PIP4P1: variants seen among roughly 807,000 people sequenced by gnomAD.
PIP4P1 encodes the protein type 1 phosphatidylinositol 4,5-bisphosphate 4-phosphatase.
Under a neutral mutation model 32.3 loss-of-function variants are expected in PIP4P1, and 14 were observed. That is an observed-to-expected ratio of 0.43 (90% CI 0.29 to 0.68). The LOEUF (loss-of-function observed/expected upper bound fraction) is 0.68, where lower values mean the gene tolerates loss of function less well. Ranked by LOEUF, PIP4P1 falls within the 30% of genes least tolerant of loss-of-function variation. The probability of loss-of-function intolerance (pLI) is 0.15; values close to 1 mark genes in which losing one functional copy is unlikely to be tolerated. For synonymous variants in PIP4P1, 132 were observed against 137.9 expected (o/e 0.96, Z 0.30); for missense variants, 289 against 364.5 (o/e 0.79, Z 1.69).
chr14:20,459,489 A>G lies in PIP4P1; in HGVS notation c.547-49T>C, dbSNP rs557512429. Reference sequence around the variant, plus strand: ...AATAGCACAAGCAGGGTCTCCCTCAATGAGAACCTTGGGGTGGGGATGCAG... The same window carrying G: ...AATAGCACAAGCAGGGTCTCCCTCAGTGAGAACCTTGGGGTGGGGATGCAG... On this transcript the variant is annotated intron_variant, in intron 4 of 6. Coordinates refer to ENST00000250489, the MANE Select transcript of PIP4P1 (RefSeq NM_144568.4). 12 of 1,609,186 alleles carry G rather than the reference A, an allele frequency of 7.5e-6. No individual in the cohort carries two copies. In the South Asian group the frequency reaches 9.9e-5, roughly 13 times the overall value.
In PIP4P1 at chr14:20,459,616, C is replaced by T; in HGVS notation, c.546+12G>A. On this transcript the variant is annotated intron_variant, in intron 4 of 6. Transcript: ENST00000250489. ...CTCCTTTCCCCTCCCCTTCCCAATA[C>T]CCCTTCCTCACCAGAAAAGTATTCT... 1 of 1,610,490 alleles carries T rather than the reference C, an allele frequency of 6.2e-7. No homozygotes were observed. The highest frequency in any genetic ancestry group is 8.5e-7 in the Non-Finnish European group (1 of 1,176,786).
At position 20,461,399 on chromosome 14, in the gene PIP4P1, CA is replaced by C. The variant is rs1228491466; in HGVS notation, c.-75del. 18 of 1,220,746 alleles carry C rather than the reference CA, an allele frequency of 1.5e-5. No homozygotes were observed. The highest frequency in any genetic ancestry group is 1.6e-5 in the Non-Finnish European group (16 of 977,554). 75.6% of individuals were successfully genotyped at this position (1,220,746 alleles called of 1,614,324 possible). On this transcript the variant is annotated 5_prime_UTR_variant, in exon 1 of 7. Coordinates refer to ENST00000250489, the MANE Select transcript of PIP4P1 (RefSeq NM_144568.4). ...CCTCTGCCGTCGCCGCAGCCACCGC[CA>C]CCGCCGCCACCGCCACCGCCGCTAC...
intron 6 of PIP4P1, 74 bp downstream of exon 6, chr14:20,459,132 G>T: frequency 6.7e-7 from 1 of 1,487,128 alleles, no homozygotes; most frequent in Non-Finnish European, 9.2e-7. Flanking sequence ...TTTTTTTTAG[G>T]GTAGCAGTTT....
chr14:20,461,154 C>T, intron 1 of PIP4P1, 30 bp downstream of exon 1: 1 of 1,261,778 alleles, frequency 7.9e-7, no homozygotes, highest in East Asian at 3.1e-5. Flanking sequence ...CGGACCCGCC[C>T]CGGCTTACCC....
chr14:20,458,992 C>CA (rs2139315019), intron 6 of PIP4P1: 9 of 634,690 alleles, frequency 1.4e-5, no homozygotes, highest in Non-Finnish European at 2.4e-5. Context: ...GTCCTATCCT[C>CA]ATCCTACAGA....
chr14:20,460,991 C>G, intron 1 of PIP4P1, 146 bp from the exon 2 acceptor site: 1 of 1,269,048 alleles, frequency 7.9e-7, no homozygotes, highest in Non-Finnish European at 1.0e-6. Flanking sequence ...TTGCTCAGAA[C>G]CCCCTTCCGT....
In PIP4P1 at chr14:20,458,315, G is replaced by C. The variant is rs1439530683; in HGVS notation, c.*244C>G. 1.5e-6 allele frequency: 1 copy of C among 650,392 alleles called. No homozygotes were observed. The highest frequency in any genetic ancestry group is 3.2e-5 in the East Asian group (1 of 31,346). The allele number at this position is 650,392 out of a possible 1,614,324, so 40.3% of individuals were successfully genotyped here. A position where few individuals can be genotyped will look rare whatever the true frequency, so the allele number is the denominator to read the frequency against. On this transcript the variant is annotated 3_prime_UTR_variant, in exon 7 of 7. Coordinates refer to ENST00000250489, the MANE Select transcript of PIP4P1 (RefSeq NM_144568.4). ...TTCAGGGCCCAGTTTTAAGGGCAAC[G>C]TTTTGCCTACTTCACCCTAGACACA...
rs1305620409 is a variant in PIP4P1 at position 20,458,254 on chromosome 14, CAGGG to C, written c.*301_*304del. On this transcript the variant is annotated 3_prime_UTR_variant, in exon 7 of 7. Coordinates refer to ENST00000250489, the MANE Select transcript of PIP4P1 (RefSeq NM_144568.4). ...ATGTGTAAGGGACAGGAATGGCTCTCAGGGAGCACACAGGAAGGACAAGGCTGGA... is the reference window on the plus strand; with the variant it reads ...ATGTGTAAGGGACAGGAATGGCTCTCAGCACACAGGAAGGACAAGGCTGGA... 3.8e-6 allele frequency: 2 copies of C among 521,556 alleles called. No individual in the cohort carries two copies. The highest frequency in any genetic ancestry group is 7.4e-6 in the Non-Finnish European group (2 of 269,962). 32.3% of individuals were successfully genotyped at this position (521,556 alleles called of 1,614,324 possible). A position where few individuals can be genotyped will look rare whatever the true frequency, so the allele number is the denominator to read the frequency against.
chr14:20,461,402 C>G lies in PIP4P1; in HGVS notation c.-77G>C. The G allele has an allele frequency of 8.2e-7, 1 of 1,219,840 alleles. No homozygotes were observed. The allele number at this position is 1,219,840 out of a possible 1,614,324, so 75.6% of individuals were successfully genotyped here. On this transcript the variant is annotated 5_prime_UTR_variant, in exon 1 of 7. Coordinates refer to ENST00000250489, the MANE Select transcript of PIP4P1 (RefSeq NM_144568.4). ...CTGCCGTCGCCGCAGCCACCGCCAC[C>G]GCCGCCACCGCCACCGCCGCTACCG...
chr14:20,459,474 G>T, intron 4 of PIP4P1, 34 bp from the exon 5 acceptor site: 1 of 1,613,562 alleles, frequency 6.2e-7, no homozygotes, highest in Non-Finnish European at 8.5e-7. Context: ...AATAGCACAA[G>T]CAGGGTCTCC....
At position 20,458,718 on chromosome 14, in the gene PIP4P1, A is replaced by AG. The variant is rs1881573072; in HGVS notation, c.691-17dup. The stretch of plus-strand genomic sequence containing the variant: ...ATGTGCCAAACTGATGAAGATAAGG[A>AG]GGGAGAAGAAAAGAAAGATGGGGTT... On this transcript the variant is annotated splice_polypyrimidine_tract_variant and intron_variant, in intron 6 of 6. Coordinates refer to ENST00000250489, the MANE Select transcript of PIP4P1 (RefSeq NM_144568.4). 6.2e-7 allele frequency: 1 copy of AG among 1,605,516 alleles called. No individual in the cohort carries two copies. The highest frequency in any genetic ancestry group is 2.2e-5 in the East Asian group (1 of 44,846).
At chr14:20,460,118 T>A in intron 3 of PIP4P1, 74 bp downstream of exon 3, 1 of 1,134,580 alleles carries the variant, frequency 8.8e-7, no homozygotes, top group Non-Finnish European at 1.3e-6. Flanking sequence ...CACCTTTACA[T>A]TCTCTGTATA....
chr14:20,461,000 G>A, intron 1 of PIP4P1, 155 bp from the exon 2 acceptor site: 3 of 1,244,526 alleles, frequency 2.4e-6, no homozygotes, highest in South Asian at 4.1e-5. Flanking sequence ...ACCCCCTTCC[G>A]TCCCTAGGCT....
At position 20,459,640 on chromosome 14, in the gene PIP4P1, C is replaced by T. The variant is rs759950378; in HGVS notation, c.534G>A (p.Lys178=). ...MGVRVICGHC[K]NTFLWTEFTD... ...ACCCCTTCCTCACCAGAAAAGTATTCTTGCAATGTCCACAGATAACCCTGA... is the reference window on the plus strand; with the variant it reads ...ACCCCTTCCTCACCAGAAAAGTATTTTTGCAATGTCCACAGATAACCCTGA... The change falls in exon 4 of 7, where the codon AAG becomes AAA. Residue 178 remains lysine (K), a synonymous_variant. Transcript: ENST00000250489. 1 of 1,614,044 alleles carries T rather than the reference C, an allele frequency of 6.2e-7. No individual in the cohort carries two copies. Among genetic ancestry groups the T allele is most frequent in the Non-Finnish European group, 8.5e-7 (1 of 1,179,932 alleles).
rs1234197280 is a variant in PIP4P1, at chr14:20,459,205, C to T, written c.690+1G>A. Reference sequence around the variant, plus strand: ...AAAGAGGTTGGGGCAAGGGTACTCACGGCAAGGCCAGTGGCAGTGACTGCC... The same window carrying T: ...AAAGAGGTTGGGGCAAGGGTACTCATGGCAAGGCCAGTGGCAGTGACTGCC... On this transcript the variant is annotated splice_donor_variant, in intron 6 of 6. Transcript: ENST00000250489. LOFTEE classifies it high-confidence loss of function. 1.9e-6 allele frequency: 3 copies of T among 1,613,938 alleles called. No homozygotes were observed. The highest frequency in any genetic ancestry group is 1.7e-4 in the Middle Eastern group (1 of 6,052).
At chr14:20,458,868 C>T (rs749579863) in intron 6 of PIP4P1, 166 bp from the exon 7 acceptor site, 16 of 821,596 alleles carry the variant, frequency 1.9e-5, no homozygotes, top group Non-Finnish European at 2.8e-5. Context: ...GATCAGCTTC[C>T]TTCCCTTAGG....
chr14:20,459,105 C>T, intron 6 of PIP4P1, 101 bp downstream of exon 6: 1 of 1,252,408 alleles, frequency 8.0e-7, no homozygotes, highest in South Asian at 1.4e-5. Flanking sequence ...CAAACTAGTC[C>T]CCCAAGTTTC....
At chr14:20,458,928 C>A in intron 6 of PIP4P1, 1 of 642,574 alleles carries the variant, frequency 1.6e-6, no homozygotes, top group Non-Finnish European at 2.6e-6. Flanking sequence ...TTCTTAATAT[C>A]TGACAACTGA....
chr14:20,459,436 G>A lies in PIP4P1; in HGVS notation c.551C>T (p.Thr184Ile). The change falls in exon 5 of 7, where the codon ACA becomes ATA. Residue 184 changes from threonine (T) to isoleucine (I), a missense_variant. Physicochemically the swap from Thr to Ile is moderately conservative, Grantham distance 89. Coordinates refer to ENST00000250489, the MANE Select transcript of PIP4P1 (RefSeq NM_144568.4). ...CGHCKNTFLWTEFTDRTLARC... is the reference protein window; with the variant it reads ...CGHCKNTFLWIEFTDRTLARC... ...TGCCAAAGTGCGGTCTGTGAACTCTGTCCACTATGGAGAAAGAAAACAAAA... is the reference window on the plus strand; with the variant it reads ...TGCCAAAGTGCGGTCTGTGAACTCTATCCACTATGGAGAAAGAAAACAAAA... 5.0e-6 allele frequency: 8 copies of A among 1,614,150 alleles called. No homozygotes were observed. Among genetic ancestry groups the A allele is most frequent in the Non-Finnish European group, 6.8e-6 (8 of 1,180,028 alleles).
Sources: allele counts gnomAD v4.1 joint callset, GRCh38; gene constraint gnomAD v4.1.1; transcripts MANE v1.5; gene names NCBI Gene and HGNC (gene_info 2026-07-23, HGNC 2026-07-21).